CCDC33: variants seen among roughly 807,000 people sequenced by gnomAD.
The protein encoded by CCDC33 is coiled-coil domain-containing protein 33.
Under a neutral mutation model 91.9 loss-of-function variants are expected in CCDC33, and 94 were observed. The observed-to-expected ratio is 1.02, with a 90% CI of 0.87 to 1.21. CCDC33 has a LOEUF of 1.21. Ranked by LOEUF, CCDC33 falls within the 50% of genes most tolerant of loss-of-function variation. The pLI is 0.00. For synonymous variants in CCDC33, 396 were observed against 374.5 expected (o/e 1.06, Z -0.66); for missense variants, 940 against 935.5 (o/e 1.00, Z -0.06).
chr15:74,215,821 A>G (rs2074427327), upstream of CCDC33, among the ~76,000 whole-genome samples: 1 of 150,726 alleles, frequency 6.6e-6, no homozygotes, highest in Admixed American at 6.6e-5. Flanking sequence ...CAGTGAGCCG[A>G]GATCTCGCCA....
chr15:74,281,483 GCCA>G (rs1279167902), intron 9 of CCDC33, among the ~76,000 whole-genome samples: 8 of 152,314 alleles, frequency 5.3e-5, no homozygotes, highest in African/African-American at 1.7e-4. Context: ...CTATTCCTAT[GCCA>G]CCATTTCCCC....
chr15:74,318,372 C>G (rs3809542), intron 11 of CCDC33, among the ~76,000 whole-genome samples: 1 of 152,054 alleles, frequency 6.6e-6, no homozygotes, highest in African/African-American at 2.4e-5. Flanking sequence ...CAGCCCTCCC[C>G]GGCCCTGCTG....
rs533746522 is a variant in CCDC33 at position 74,228,831 on chromosome 15, G to A, written c.675+9970G>A. ...GGCCAGCTCCACGCTGCATTAATAC[G>A]CTGCAAATGCGATTTCATGGCCTCA... On this transcript the variant is annotated intron_variant, in intron 2 of 2. Transcript: ENST00000635913. Among the ~76,000 whole-genome samples the A allele has an allele frequency of 4.3e-4, 65 of 152,298 alleles. 1 individual carries two copies. Among genetic ancestry groups the A allele is most frequent in the African/African-American group, 1.5e-3 (63 of 41,556 alleles).
chr15:74,271,850 G>A, intron 6 of CCDC33, 56 bp downstream of exon 6: 2 of 1,464,028 alleles, frequency 1.4e-6, no homozygotes, highest in Non-Finnish European at 1.9e-6. Context: ...GGCAGAGGAG[G>A]GGGTGAGGCT....
rs1389238317 is a variant in CCDC33, at chr15:74,218,730, G to GGGA, written c.546_548dup (p.Gly182_Ser183insArg). ...CACGGACCCCACAGCCCGACACTGT[G>GGGA]GGAGCCTGGCCTACAGTGTGGCCTT... On this transcript the variant is annotated inframe_insertion, in exon 2 of 3. Coordinates refer to the CCDC33 transcript ENST00000635913. This position sits in a 1 kb window ranked among gnomAD's most constrained non-coding sequence, Gnocchi z 4.8. 7.8e-7 allele frequency: 1 copy of GGGA among 1,289,814 alleles called. No homozygotes were observed. Among genetic ancestry groups the GGGA allele is most frequent in the Non-Finnish European group, 1.0e-6 (1 of 988,866 alleles). 79.9% of individuals were successfully genotyped at this position (1,289,814 alleles called of 1,614,324 possible).
At position 74,218,563 on chromosome 15, in the gene CCDC33, C is replaced by G. The variant is rs1005003368; in HGVS notation, c.377C>G (p.Pro126Arg). The change falls in exon 2 of 3, where the codon CCC becomes CGC. Residue 126 changes from proline to arginine, a missense_variant. Transcript: ENST00000635913. The surrounding 1 kb of genome is among the most constrained non-coding windows in gnomAD (Gnocchi z 4.8). ...GTGGAGGCACTGAGGCTGGACGAAC[C>G]CTTGGGACGGGCAGCCCAGCGGGTG... The G allele has an allele frequency of 7.8e-7, 1 of 1,289,736 alleles. No homozygotes were observed. Among genetic ancestry groups the G allele is most frequent in the Non-Finnish European group, 1.0e-6 (1 of 988,846 alleles). The allele number at this position is 1,289,736 out of a possible 1,614,324, so 79.9% of individuals were successfully genotyped here.
chr15:74,335,182 T>A (rs1240317710), intron 18 of CCDC33, 94 bp downstream of exon 18: 1 of 977,264 alleles, frequency 1.0e-6, no homozygotes, highest in African/African-American at 1.6e-5. Flanking sequence ...AGAAAAGCCA[T>A]TGTGGAGCCA....
chr15:74,238,066 T>G (rs1419315236), intron 1 of CCDC33, among the ~76,000 whole-genome samples: 1 of 152,062 alleles, frequency 6.6e-6, no homozygotes, highest in Non-Finnish European at 1.5e-5. Context: ...AGGCAGATGT[T>G]GCAGTGAGCC....
At chr15:74,215,944 C>T (rs1255256692), upstream of CCDC33, among the ~76,000 whole-genome samples, 5 of 151,280 alleles carry the variant, frequency 3.3e-5, no homozygotes, top group Non-Finnish European at 5.9e-5. Flanking sequence ...GAAGGGAGAG[C>T]AAGGGGTATG....
chr15:74,268,565 T>A, intron 5 of CCDC33, 107 bp downstream of exon 5: 2 of 811,444 alleles, frequency 2.5e-6, no homozygotes, highest in Non-Finnish European at 4.2e-6. Flanking sequence ...CCTGAGGGTG[T>A]GGAGCAGAGA....
rs578239858 is a variant in CCDC33, at chr15:74,230,102, G to C, written c.675+11241G>C. On this transcript the variant is annotated intron_variant, in intron 2 of 2. Coordinates refer to the CCDC33 transcript ENST00000635913. ...GGAGAGACCACTGCTCCTTCACAGG[G>C]ACCACAGGCATGTCATGAGTGTGGG... Among the ~76,000 whole-genome samples, 6 of 152,358 alleles carry C rather than the reference G, an allele frequency of 3.9e-5. No homozygotes were observed. The East Asian group carries it at 7.7e-4, about 20-fold the overall frequency.
intron 15 of CCDC33, 59 bp from the exon 16 acceptor site, chr15:74,332,620 G>C: frequency 6.3e-7 from 1 of 1,588,630 alleles, no homozygotes; most frequent in South Asian, 1.1e-5. Flanking sequence ...AGCAGATCAG[G>C]ACAGGGACAT....
chr15:74,300,571 T>G (rs1261233088), intron 11 of CCDC33: 1 of 152,256 alleles, frequency 6.6e-6, no homozygotes, highest in Non-Finnish European at 1.5e-5. Flanking sequence ...TGGCCTCCCC[T>G]GATTTCAGGA....
Position 74,292,121 on chromosome 15 carries a change from A to G in CCDC33, c.1096-3633A>G, listed in dbSNP as rs1300064941. Among the ~76,000 whole-genome samples, 2 of 152,256 alleles carry G rather than the reference A, an allele frequency of 1.3e-5. 1 individual carries two copies. Among genetic ancestry groups the G allele is most frequent in the African/African-American group, 4.8e-5 (2 of 41,474 alleles). The stretch of plus-strand genomic sequence containing the variant: ...CCCAAGCTGCCCCAGCAGGCAGAGC[A>G]AGGCTTGTCAAATACAGAAGCAAAT... On this transcript the variant is annotated intron_variant, in intron 10 of 18. Coordinates refer to ENST00000398814, the MANE Select transcript of CCDC33 (RefSeq NM_025055.5).
intron 2 of CCDC33, among the ~76,000 whole-genome samples, chr15:74,230,684 G>A (rs1407794847): frequency 6.6e-6 from 1 of 152,184 alleles, no homozygotes; most frequent in African/African-American, 2.4e-5. Context: ...TTGGGCCAGA[G>A]GTGCTCCATC....
intron 11 of CCDC33, among the ~76,000 whole-genome samples, 199 bp from the exon 12 acceptor site, chr15:74,329,990 G>T (rs2060392734): frequency 6.6e-6 from 1 of 152,130 alleles, no homozygotes; most frequent in Non-Finnish European, 1.5e-5. Context: ...TAGTGTGGCT[G>T]CCCTCACATG....
Position 74,280,787 on chromosome 15 carries a change from C to T in CCDC33, c.1009C>T (p.Arg337Trp), listed in dbSNP as rs115546722. The part of the protein sequence containing the change: ...GKGLDGLHVE[R>W]LPIMDTSLKT... The stretch of plus-strand genomic sequence containing the variant: ...AGGCTTGGACGGGCTTCACGTGGAG[C>T]GGCTCCCCATCATGGTGAGCCCCCT... The change falls in exon 9 of 19, where the codon CGG (arginine) becomes TGG (tryptophan). Residue 337 changes from arginine (R) to tryptophan (W), a missense_variant. By Grantham distance (101) the Arg-to-Trp change is moderately radical. Coordinates refer to ENST00000398814, the MANE Select transcript of CCDC33 (RefSeq NM_025055.5). 1.2e-4 allele frequency: 180 copies of T among 1,537,604 alleles called. 1 individual carries two copies. The highest frequency in any genetic ancestry group is 4.2e-4 in the African/African-American group (30 of 71,232).
At chr15:74,262,765 G>A (rs2076061625) in intron 3 of CCDC33, among the ~76,000 whole-genome samples, 192 bp downstream of exon 3, 1 of 152,174 alleles carries the variant, frequency 6.6e-6, no homozygotes, top group African/African-American at 2.4e-5. Context: ...CGAAAAATGA[G>A]TTGTTCCACA....
At chr15:74,213,191 GGGCGAGAGAGCGAGACTCT>G (rs1215874204), upstream of CCDC33, 1 of 149,924 alleles carries the variant, frequency 6.7e-6, no homozygotes, top group African/African-American at 2.5e-5. Flanking sequence ...ACACCAATCT[GGGCGAGAGAGCGAGACTCT>G]GTCTCTAAAA....
Sources: gnomAD v4.1 joint callset for allele counts (sites outside exome capture counted in the v4.1 genomes callset) on GRCh38, gnomAD v4.1.1 for gene constraint, Gnocchi (gnomAD v3.1) non-coding constraint, MANE v1.5 for transcripts, NCBI Gene and HGNC (gene_info 2026-07-23, HGNC 2026-07-21) for gene names.